TENM3: variants seen among roughly 807,000 people sequenced by gnomAD.
The protein encoded by TENM3 is teneurin transmembrane protein 3, also known as teneurin-3.
A neutral mutation model predicts 255.1 loss-of-function variants in TENM3; 63 were observed. The observed-to-expected ratio is 0.25, with a 90% CI of 0.20 to 0.30. TENM3 has a LOEUF of 0.30. TENM3 is among the 10% of genes least tolerant of loss of function. TENM3 has a pLI of 1.00. For synonymous variants in TENM3, 1,306 were observed against 1,322.3 expected, an observed-to-expected ratio of 0.99 and a Z score of 0.27; for missense variants, 2,929 against 3,461.1, an observed-to-expected ratio of 0.85 and a Z score of 3.86.
intron 13 of TENM3, among the ~76,000 whole-genome samples, chr4:182,718,332 G>A (rs1209750457): frequency 6.6e-6 from 1 of 151,970 alleles, no homozygotes; most frequent in East Asian, 1.9e-4. Flanking sequence ...CCCCAAAAAG[G>A]CCACCACCAG....
At chr4:182,615,843 C>G (rs1749461884) in intron 4 of TENM3, among the ~76,000 whole-genome samples, 1 of 152,148 alleles carries the variant, frequency 6.6e-6, no homozygotes, top group Non-Finnish European at 1.5e-5. Flanking sequence ...ATTGACTACT[C>G]GAAGTAAGCT....
chr4:181,644,246 C>T, the TENM3 span, among the ~76,000 whole-genome samples: 10 of 151,850 alleles, frequency 6.6e-5, no homozygotes, highest in East Asian at 3.9e-4. Flanking sequence ...AGATAGAGCC[C>T]GTAATAGTTT....
intron 1 of TENM3, among the ~76,000 whole-genome samples, chr4:182,168,819 G>A (rs1027468476): frequency 6.7e-6 from 1 of 149,600 alleles, no homozygotes; most frequent in African/African-American, 2.4e-5. Flanking sequence ...TCAACAGTTA[G>A]CCCATTTTAT....
At chr4:181,558,058 T>C in the TENM3 span, among the ~76,000 whole-genome samples, 2 of 152,148 alleles carry the variant, frequency 1.3e-5, no homozygotes, top group African/African-American at 2.4e-5. Context: ...TCCAAAGCAG[T>C]TGGGAGATGT....
chr4:182,395,364 A>G (rs1486580660), intron 3 of TENM3, among the ~76,000 whole-genome samples: 3 of 152,192 alleles, frequency 2.0e-5, no homozygotes, highest in African/African-American at 4.8e-5. Context: ...TTTAAGAATC[A>G]AAATGCTTTT....
At chr4:182,370,881 TAG>T (rs2150854263) in intron 3 of TENM3, among the ~76,000 whole-genome samples, 1 of 152,304 alleles carries the variant, frequency 6.6e-6, no homozygotes, top group Admixed American at 6.5e-5. Flanking sequence ...TGAGAGACAT[TAG>T]TTTTATTTTC....
At chr4:181,769,395 G>A in the TENM3 span, among the ~76,000 whole-genome samples, 1 of 152,208 alleles carries the variant, frequency 6.6e-6, no homozygotes. Context: ...CTTACTAGGT[G>A]TTGACCTTGG....
chr4:181,944,860 C>T, the TENM3 span, among the ~76,000 whole-genome samples: 24 of 152,096 alleles, frequency 1.6e-4, no homozygotes, highest in African/African-American at 5.8e-4. Context: ...GTACAAACGC[C>T]AGCCTCCCTC....
At chr4:181,828,458 A>G in the TENM3 span, among the ~76,000 whole-genome samples, 1 of 152,264 alleles carries the variant, frequency 6.6e-6, no homozygotes, top group Non-Finnish European at 1.5e-5. Flanking sequence ...ATCCCAATGA[A>G]GTAGCCATTA....
the TENM3 span, among the ~76,000 whole-genome samples, chr4:181,886,352 C>T: frequency 4.5e-4 from 69 of 152,234 alleles, no homozygotes; most frequent in African/African-American, 1.6e-3. Context: ...CCACCATGCC[C>T]GGCCTCTACA....
intron 3 of TENM3, among the ~76,000 whole-genome samples, chr4:182,505,751 C>A (rs911363133): frequency 6.6e-6 from 1 of 152,118 alleles, no homozygotes; most frequent in Admixed American, 6.5e-5. Flanking sequence ...CCACCACACC[C>A]GGCCTGCTTT....
chr4:181,752,477 T>A, the TENM3 span, among the ~76,000 whole-genome samples: 13 of 152,070 alleles, frequency 8.5e-5, no homozygotes, highest in East Asian at 2.3e-3. Flanking sequence ...GCTTGAACCC[T>A]GGAGGCGGAT....
intron 22 of TENM3, among the ~76,000 whole-genome samples, chr4:182,757,784 CATT>C (rs1762845313): frequency 6.6e-6 from 1 of 152,046 alleles, no homozygotes; most frequent in Non-Finnish European, 1.5e-5. Flanking sequence ...AATGGGAAAA[CATT>C]ATTTTAAAGA....
chr4:181,478,837 G>A, the TENM3 span, among the ~76,000 whole-genome samples: 1 of 152,144 alleles, frequency 6.6e-6, no homozygotes, highest in Admixed American at 6.5e-5. Flanking sequence ...CAGCTCAAGT[G>A]TTTGATGGTT....
the TENM3 span, among the ~76,000 whole-genome samples, chr4:181,865,707 A>G: frequency 6.6e-6 from 1 of 152,192 alleles, no homozygotes; most frequent in Non-Finnish European, 1.5e-5. Flanking sequence ...TTTTCATCAT[A>G]GACACTTTTT....
At chr4:182,180,648 T>C (rs571680791) in intron 1 of TENM3, among the ~76,000 whole-genome samples, 5 of 151,530 alleles carry the variant, frequency 3.3e-5, no homozygotes, top group African/African-American at 1.2e-4. Context: ...TTTTTTTTTT[T>C]TTCTTTTTGT....
chr4:182,679,776 G>A lies in TENM3; in HGVS notation c.1437G>A (p.Glu479=). The A allele has an allele frequency of 6.2e-7, 1 of 1,613,934 alleles. No individual in the cohort carries two copies. Among genetic ancestry groups the A allele is most frequent in the Non-Finnish European group, 8.5e-7 (1 of 1,179,872 alleles). Residue 479 remains glutamate (E), a synonymous_variant, in exon 8 of 28, where the codon GAG becomes GAA. Transcript: ENST00000511685. ...GRQARSVSLH[E]AGFIQYLDSG... ...AGGCGAGATCCGTCAGCCTTCATGA[G>A]GCCGGCTTTATCCAGTACTTGGATT...
the TENM3 span, among the ~76,000 whole-genome samples, chr4:181,937,766 G>A: frequency 0.01 from 1,529 of 152,290 alleles, 21 homozygotes; most frequent in African/African-American, 0.035. Flanking sequence ...GAACTCTGAT[G>A]AATGCCAATG....
At chr4:182,066,654 T>C in the TENM3 span, among the ~76,000 whole-genome samples, 1 of 151,104 alleles carries the variant, frequency 6.6e-6, no homozygotes, top group South Asian at 2.1e-4. Context: ...CTCATGCCTA[T>C]AATCCCAGCA....
Sources: allele counts gnomAD v4.1 joint callset (sites outside exome capture counted in the v4.1 genomes callset), GRCh38; gene constraint gnomAD v4.1.1; transcripts MANE v1.5; gene names NCBI Gene and HGNC (gene_info 2026-07-23, HGNC 2026-07-21).